The following ELF2 variants were observed in gnomAD, a reference collection of about 807,000 sequenced individuals.
The protein encoded by ELF2 is E74 like ETS transcription factor 2.
ELF2 carries 11 observed loss-of-function variants against 54.8 expected under a neutral mutation model. The ratio of observed to expected loss-of-function variants is 0.20; its 90% CI spans 0.13 to 0.33. The LOEUF (loss-of-function observed/expected upper bound fraction) is 0.33. ELF2 is among the 10% of genes least tolerant of loss of function. ELF2 has a pLI of 1.00. For synonymous variants in ELF2, 203 were observed against 245.1 expected (o/e 0.83, Z 1.61); for missense variants, 513 against 703.0 (o/e 0.73, Z 3.06).
chr4:139,111,356 CTT>C (rs200691360), intron 4 of ELF2, among the ~76,000 whole-genome samples: 1 of 148,098 alleles, frequency 6.8e-6, no homozygotes, highest in African/African-American at 2.5e-5. Context: ...AAATGATATA[CTT>C]TTTTTTTTTG....
chr4:139,169,674 G>A (rs974032217), intron 1 of ELF2, among the ~76,000 whole-genome samples: 2 of 151,964 alleles, frequency 1.3e-5, no homozygotes, highest in African/African-American at 2.4e-5. Context: ...TGGCTAACAC[G>A]GTGAAACCCT....
At chr4:139,109,764 T>C in intron 4 of ELF2, among the ~76,000 whole-genome samples, 1 of 152,152 alleles carries the variant, frequency 6.6e-6, no homozygotes, top group Non-Finnish European at 1.5e-5. Flanking sequence ...GAGCTAAATT[T>C]TGGGTTCACA....
At chr4:139,087,657 G>A (rs1732126965) in intron 4 of ELF2, among the ~76,000 whole-genome samples, 1 of 152,064 alleles carries the variant, frequency 6.6e-6, no homozygotes, top group South Asian at 2.1e-4. Context: ...AGTAGAGATG[G>A]GGTTTGACCG....
intron 3 of ELF2, among the ~76,000 whole-genome samples, chr4:139,132,456 C>A (rs912917771): frequency 6.6e-6 from 1 of 152,166 alleles, no homozygotes; most frequent in Non-Finnish European, 1.5e-5. Context: ...CATGCACACA[C>A]ACACATACAC....
intron 4 of ELF2, among the ~76,000 whole-genome samples, chr4:139,091,926 CAT>C (rs949215234): frequency 3.4e-5 from 5 of 148,742 alleles, no homozygotes; most frequent in Admixed American, 2.0e-4. Flanking sequence ...TATATACACA[CAT>C]ATATATACAC....
chr4:139,144,212 C>G (rs928771400), intron 1 of ELF2, among the ~76,000 whole-genome samples: 1 of 152,068 alleles, frequency 6.6e-6, no homozygotes, highest in African/African-American at 2.4e-5. Context: ...AGAGTATACA[C>G]CCCCACTATG....
intron 4 of ELF2, among the ~76,000 whole-genome samples, chr4:139,096,038 G>A (rs1733238471): frequency 6.6e-6 from 1 of 152,124 alleles, no homozygotes. Flanking sequence ...TTAAACCCGG[G>A]AGGTGGAGGT....
chr4:139,163,338 T>C (rs989235631), intron 1 of ELF2, among the ~76,000 whole-genome samples: 6 of 152,046 alleles, frequency 3.9e-5, no homozygotes, highest in African/African-American at 1.4e-4. Flanking sequence ...TTTAAGGTTA[T>C]TTTGAAAAGT....
At chr4:139,115,081 T>C in intron 4 of ELF2, 1 of 1,613,908 alleles carries the variant, frequency 6.2e-7, no homozygotes, top group Non-Finnish European at 8.5e-7. Context: ...CAGGAGCTCA[T>C]CCACGTCAAT....
intron 3 of ELF2, among the ~76,000 whole-genome samples, chr4:139,134,543 T>C (rs1413017645): frequency 4.0e-5 from 6 of 151,452 alleles, no homozygotes; most frequent in Non-Finnish European, 8.8e-5. Context: ...TATTGTATTG[T>C]ATTGTATTGT....
chr4:139,162,506 G>A (rs1741278766), intron 1 of ELF2, among the ~76,000 whole-genome samples: 1 of 152,044 alleles, frequency 6.6e-6, no homozygotes, highest in Non-Finnish European at 1.5e-5. Flanking sequence ...ATTCCAGCCT[G>A]GGCAACAAAG....
rs765777869 is a variant in ELF2, at chr4:139,067,645, A to C, written c.613+39T>G. ...TACAAAAATGTCACCTAACTGAAAA[A>C]AAATCATCTCACTTCCAAAGCAACC... On this transcript the variant is annotated intron_variant, in intron 7 of 9. Coordinates refer to ENST00000686138, the MANE Select transcript of ELF2 (RefSeq NM_001331036.3). The C allele has an allele frequency of 2.5e-6, 4 of 1,602,564 alleles. No individual in the cohort carries two copies. The South Asian group carries it at 4.4e-5, about 18-fold the overall frequency.
At chr4:139,109,366 T>C (rs959859720) in intron 4 of ELF2, among the ~76,000 whole-genome samples, 7 of 152,184 alleles carry the variant, frequency 4.6e-5, no homozygotes, top group African/African-American at 1.7e-4. Context: ...GCAGACTTAA[T>C]GAGGTAAAAG....
chr4:139,079,312 G>C (rs1041092670), intron 4 of ELF2, among the ~76,000 whole-genome samples: 4 of 152,138 alleles, frequency 2.6e-5, no homozygotes, highest in African/African-American at 9.7e-5. Flanking sequence ...TGATTCAATA[G>C]AAGGCAGCTG....
At chr4:139,101,701 T>C (rs1477374833) in intron 4 of ELF2, 2 of 152,274 alleles carry the variant, frequency 1.3e-5, no homozygotes, top group African/African-American at 4.8e-5. Context: ...TTCTGATCTT[T>C]ACTTTTATTC....
At chr4:139,140,331 G>A (rs2148865749) in intron 1 of ELF2, among the ~76,000 whole-genome samples, 1 of 152,264 alleles carries the variant, frequency 6.6e-6, no homozygotes, top group East Asian at 1.9e-4. Flanking sequence ...AAAGGCTAAT[G>A]TATTGACTTA....
chr4:139,155,585 TAATAATAATA>T (rs1740443080), intron 1 of ELF2: 1 of 152,032 alleles, frequency 6.6e-6, no homozygotes, highest in Non-Finnish European at 1.5e-5. Context: ...TCTCTACAAA[TAATAATAATA>T]AATAATAATA....
intron 2 of ELF2, among the ~76,000 whole-genome samples, 187 bp downstream of exon 2, chr4:139,139,226 G>A (rs1313141819): frequency 6.6e-6 from 1 of 151,906 alleles, no homozygotes; most frequent in African/African-American, 2.4e-5. Context: ...CTGAAAAAAA[G>A]CAGAAATTTC....
rs1237447252 is a variant in ELF2, at chr4:139,061,906, G to A, written c.765C>T (p.Asn255=). The A allele has an allele frequency of 6.2e-7, 1 of 1,613,802 alleles. No homozygotes were observed. Among genetic ancestry groups the A allele is most frequent in the East Asian group, 2.2e-5 (1 of 44,834 alleles). ...TGGTTTCATAGTTCATGTCTGGTTT[G>A]TTCTTATGCTTTCCCCAAAGCTTAG... The part of the protein sequence containing the change: ...AVSKLWGKHK[N]KPDMNYETMG... Residue 255 remains asparagine (N), a synonymous_variant, in exon 8 of 10, where the codon AAC becomes AAT. Coordinates refer to ENST00000686138, the MANE Select transcript of ELF2 (RefSeq NM_001331036.3).
Sources: gnomAD v4.1 joint callset for allele counts (sites outside exome capture counted in the v4.1 genomes callset) on GRCh38, gnomAD v4.1.1 for gene constraint, MANE v1.5 for transcripts, NCBI Gene and HGNC (gene_info 2026-07-23, HGNC 2026-07-21) for gene names.